The following MTHFD1L variants were observed in gnomAD, a reference collection of about 807,000 sequenced individuals.
The protein encoded by MTHFD1L is monofunctional C1-tetrahydrofolate synthase, mitochondrial.
Under a neutral mutation model 119.5 loss-of-function variants are expected in MTHFD1L, and 81 were observed. The ratio of observed to expected loss-of-function variants is 0.68; its 90% CI spans 0.57 to 0.82. MTHFD1L has a LOEUF of 0.82. Among genes scored for constraint, MTHFD1L ranks in the 40% least tolerant of loss-of-function variants. The probability of loss-of-function intolerance (pLI) is 0.00; values close to 1 mark genes in which losing one functional copy is unlikely to be tolerated. For missense variants in MTHFD1L, 1,125 were observed against 1,253.4 expected, an observed-to-expected ratio of 0.90 and a Z score of 1.55; for synonymous variants, 430 against 475.2, an observed-to-expected ratio of 0.90 and a Z score of 1.24.
intron 10 of MTHFD1L, among the ~76,000 whole-genome samples, chr6:150,923,441 G>A (rs1257162939): frequency 6.6e-6 from 1 of 151,288 alleles, no homozygotes; most frequent in Admixed American, 6.6e-5. Flanking sequence ...GCATCCCCAG[G>A]TAATCTCATC....
rs1215973096 is a variant in MTHFD1L at position 150,865,867 on chromosome 6, GC to G, written c.49del (p.Gln17SerfsTer70). 5 of 1,205,188 alleles carry G rather than the reference GC, an allele frequency of 4.1e-6. No individual in the cohort carries two copies. The highest frequency in any genetic ancestry group is 6.1e-5 in the South Asian group (2 of 32,672). 74.7% of individuals were successfully genotyped at this position (1,205,188 alleles called of 1,614,324 possible). A position where few individuals can be genotyped will look rare whatever the true frequency, so the allele number is the denominator to read the frequency against. The part of the protein sequence containing the change: ...PLVLRQLRRP[P>X]QPPGPPRRLR... The stretch of plus-strand genomic sequence containing the variant: ...TCGTCCTGCGCCAGCTCCGCCGCCC[GC>G]CCCAGCCCCCGGGCCCTCCGCGCCG... On this transcript the variant is annotated frameshift_variant, in exon 1 of 28. Coordinates refer to ENST00000367321, the MANE Select transcript of MTHFD1L (RefSeq NM_015440.5). LOFTEE classifies it high-confidence loss of function.
intron 21 of MTHFD1L, among the ~76,000 whole-genome samples, chr6:151,011,475 G>A (rs1424843103): frequency 6.6e-6 from 1 of 152,130 alleles, no homozygotes; most frequent in East Asian, 1.9e-4. Context: ...GCAGTGACTT[G>A]AGTGGTGTCA....
intron 26 of MTHFD1L, among the ~76,000 whole-genome samples, chr6:151,060,870 G>A (rs913338303): frequency 3.3e-5 from 5 of 152,166 alleles, no homozygotes; most frequent in Non-Finnish European, 5.9e-5. Context: ...GATCACTCAG[G>A]CAGCAGTCTG....
At chr6:150,964,122 G>C (rs1186746102) in intron 18 of MTHFD1L, among the ~76,000 whole-genome samples, 1 of 152,122 alleles carries the variant, frequency 6.6e-6, no homozygotes, top group Non-Finnish European at 1.5e-5. Context: ...TGAGCCTCCA[G>C]CCTGGGCAAC....
At chr6:151,084,157 G>A (rs1424444694) in intron 26 of MTHFD1L, among the ~76,000 whole-genome samples, 5 of 152,118 alleles carry the variant, frequency 3.3e-5, no homozygotes, top group African/African-American at 1.2e-4. Flanking sequence ...AGTTGCCAGG[G>A]CACCAATTTA....
intron 20 of MTHFD1L, among the ~76,000 whole-genome samples, chr6:150,982,848 C>T (rs1339168364): frequency 6.6e-6 from 1 of 152,064 alleles, no homozygotes. Flanking sequence ...TACAGGTGCA[C>T]ACCATCACAC....
intron 11 of MTHFD1L, among the ~76,000 whole-genome samples, chr6:150,932,812 G>GAGGGAGGA (rs1251515005): frequency 1.4e-5 from 1 of 73,160 alleles, no homozygotes. Context: ...GGAAGAGAGG[G>GAGGGAGGA]AGGGAGGAAG....
chr6:151,082,345 C>T (rs1237882148), intron 26 of MTHFD1L, among the ~76,000 whole-genome samples: 5 of 152,172 alleles, frequency 3.3e-5, no homozygotes, highest in South Asian at 2.1e-4. Context: ...TTTATAGTCA[C>T]GCTTCTGAAA....
At chr6:151,048,561 T>C (rs1788469023) in intron 26 of MTHFD1L, among the ~76,000 whole-genome samples, 1 of 152,256 alleles carries the variant, frequency 6.6e-6, no homozygotes. Context: ...AACTCACCAG[T>C]ACTAGAATCC....
At chr6:151,073,185 G>A (rs755303688) in intron 26 of MTHFD1L, among the ~76,000 whole-genome samples, 10 of 152,178 alleles carry the variant, frequency 6.6e-5, no homozygotes, top group Admixed American at 4.6e-4. Context: ...GTGGAGGACC[G>A]GAGAGGAGAG....
chr6:150,916,737 C>CTTTTTTT (rs57961829), intron 8 of MTHFD1L, among the ~76,000 whole-genome samples: 14 of 72,128 alleles, frequency 1.9e-4, no homozygotes, highest in African/African-American at 2.6e-4. Context: ...GATTCTATCC[C>CTTTTTTT]TTTTTTTTTT....
In MTHFD1L at chr6:150,928,164, G is replaced by A. The variant is rs187633958; in HGVS notation, c.1256+1869G>A. On this transcript the variant is annotated intron_variant, in intron 11 of 27. Transcript: ENST00000367321. ...ATATTATCCAAAACAGGCCAAGCGCGGTGGCTCACACCTGTAATCCCAGCT... is the reference window on the plus strand; with the variant it reads ...ATATTATCCAAAACAGGCCAAGCGCAGTGGCTCACACCTGTAATCCCAGCT... 2.0e-4 allele frequency among the ~76,000 whole-genome samples: 30 copies of A among 152,114 alleles called. No individual in the cohort carries two copies. In the East Asian group the frequency reaches 2.1e-3, roughly 11 times the overall value.
chr6:151,050,740 A>G (rs879480596), intron 26 of MTHFD1L, among the ~76,000 whole-genome samples: 1 of 152,096 alleles, frequency 6.6e-6, no homozygotes, highest in Non-Finnish European at 1.5e-5. Context: ...GAAACCCCAT[A>G]CACATTTGGT....
chr6:151,080,825 C>T (rs1418407767), intron 26 of MTHFD1L, among the ~76,000 whole-genome samples: 2 of 152,164 alleles, frequency 1.3e-5, no homozygotes, highest in Non-Finnish European at 2.9e-5. Flanking sequence ...ACACAAACAT[C>T]CCTGTGACCT....
At chr6:150,986,352 A>T (rs1050026984) in intron 20 of MTHFD1L, among the ~76,000 whole-genome samples, 1 of 152,220 alleles carries the variant, frequency 6.6e-6, no homozygotes, top group African/African-American at 2.4e-5. Flanking sequence ...TTGCATTGTG[A>T]TATAACCCTT....
intron 20 of MTHFD1L, among the ~76,000 whole-genome samples, chr6:150,987,673 G>T (rs550978713): frequency 1.3e-5 from 2 of 152,148 alleles, no homozygotes; most frequent in African/African-American, 4.8e-5. Context: ...TTTTACCACC[G>T]TGCTTTGCCA....
intron 26 of MTHFD1L, among the ~76,000 whole-genome samples, chr6:151,037,741 A>G (rs1476119987): frequency 2.0e-5 from 3 of 152,228 alleles, no homozygotes; most frequent in African/African-American, 4.8e-5. Context: ...CTTAAAATCC[A>G]TGAAGATGGG....
intron 26 of MTHFD1L, among the ~76,000 whole-genome samples, chr6:151,076,775 G>A (rs1322861152): frequency 1.3e-5 from 2 of 151,894 alleles, no homozygotes; most frequent in Non-Finnish European, 2.9e-5. Context: ...ATTTGGGGTC[G>A]TTTCTTAAAA....
At chr6:150,905,625 C>T (rs374530549) in intron 7 of MTHFD1L, 25 bp from the exon 8 acceptor site, 27 of 1,543,584 alleles carry the variant, frequency 1.7e-5, no homozygotes, top group African/African-American at 1.4e-4. Flanking sequence ...TCAAGATGTG[C>T]GTGTTTTTTT....
Sources: allele counts gnomAD v4.1 joint callset (sites outside exome capture counted in the v4.1 genomes callset), GRCh38; gene constraint gnomAD v4.1.1; transcripts MANE v1.5; gene names NCBI Gene and HGNC (gene_info 2026-07-23, HGNC 2026-07-21).